Variants in ATP13A4 observed in about 807,000 individuals in gnomAD.
The protein encoded by ATP13A4 is probable cation-transporting ATPase 13A4.
In ATP13A4, 114 loss-of-function variants were observed where a neutral mutation model predicts 142.5. The observed-to-expected ratio is 0.80, with a 90% CI of 0.69 to 0.93. ATP13A4 has a LOEUF of 0.93. Among genes scored for constraint, ATP13A4 ranks in the 40% least tolerant of loss-of-function variants. The pLI, the probability that ATP13A4 is intolerant of heterozygous loss-of-function variation, is 0.00. For missense variants in ATP13A4, 1,392 were observed against 1,454.0 expected (o/e 0.96, Z 0.69); for synonymous variants, 488 against 514.8 (o/e 0.95, Z 0.70).
At chr3:193,561,622 G>C (rs1019396102) in intron 2 of ATP13A4, among the ~76,000 whole-genome samples, 2 of 152,174 alleles carry the variant, frequency 1.3e-5, no homozygotes, top group Non-Finnish European at 2.9e-5. Context: ...AAAAAGGAAA[G>C]TAATAAGATA....
chr3:193,466,433 G>T (rs1025084674), intron 10 of ATP13A4, among the ~76,000 whole-genome samples: 3 of 152,156 alleles, frequency 2.0e-5, no homozygotes, highest in African/African-American at 7.2e-5. Flanking sequence ...GAAAACCGCC[G>T]TACTGGGTGC....
chr3:193,408,920 C>T (rs1714635991), intron 28 of ATP13A4, among the ~76,000 whole-genome samples: 2 of 152,138 alleles, frequency 1.3e-5, no homozygotes, highest in African/African-American at 2.4e-5. Context: ...CTAAACTCAA[C>T]TTGTCATCTA....
At chr3:193,573,058 G>T (rs948971648) in intron 2 of ATP13A4, among the ~76,000 whole-genome samples, 2 of 146,572 alleles carry the variant, frequency 1.4e-5, no homozygotes, top group African/African-American at 5.0e-5. Flanking sequence ...GGGGGGAGGG[G>T]AGTAAGGGCT....
chr3:193,486,518 G>A (rs1399346894), intron 7 of ATP13A4, among the ~76,000 whole-genome samples: 3 of 152,172 alleles, frequency 2.0e-5, no homozygotes, highest in Non-Finnish European at 2.9e-5. Flanking sequence ...TTCAAGGTTG[G>A]CAACCAGATT....
chr3:193,413,060 G>A (rs900222251), intron 26 of ATP13A4, among the ~76,000 whole-genome samples: 1 of 152,114 alleles, frequency 6.6e-6, no homozygotes, highest in South Asian at 2.1e-4. Flanking sequence ...AGGAAGTCAG[G>A]GACTTTGAAC....
intron 1 of ATP13A4, among the ~76,000 whole-genome samples, chr3:193,535,130 G>T (rs1043749732): frequency 1.3e-5 from 2 of 152,024 alleles, no homozygotes; most frequent in Non-Finnish European, 2.9e-5. Context: ...GAACAACTAA[G>T]CAGAAAATTA....
rs1050847058 is a variant in ATP13A4 at position 193,415,774 on chromosome 3, A to G, written c.2843-1024T>C. 2.0e-5 allele frequency among the ~76,000 whole-genome samples: 3 copies of G among 152,246 alleles called. No individual in the cohort carries two copies. The East Asian group carries it at 5.8e-4, about 29-fold the overall frequency. Reference sequence around the variant, plus strand: ...AGGGCAAAAAAATTACAGTTGATACATAAAATAACCATCTAAAGCCTGGAA... The same window carrying G: ...AGGGCAAAAAAATTACAGTTGATACGTAAAATAACCATCTAAAGCCTGGAA... On this transcript the variant is annotated intron_variant, in intron 25 of 29. Coordinates refer to ENST00000342695, the MANE Select transcript of ATP13A4 (RefSeq NM_032279.4).
chr3:193,447,464 C>T (rs912963868), intron 18 of ATP13A4, among the ~76,000 whole-genome samples: 1 of 152,114 alleles, frequency 6.6e-6, no homozygotes, highest in African/African-American at 2.4e-5. Context: ...AATAATGTAT[C>T]TTCGTGACAT....
intron 25 of ATP13A4, among the ~76,000 whole-genome samples, chr3:193,426,593 C>T (rs1056169125): frequency 6.6e-6 from 1 of 151,912 alleles, no homozygotes; most frequent in African/African-American, 2.4e-5. Flanking sequence ...AGGACTCACA[C>T]TTCCCAAATC....
At chr3:193,582,655 A>G (rs1300926444) in intron 1 of ATP13A4, among the ~76,000 whole-genome samples, 7 of 72,672 alleles carry the variant, frequency 9.6e-5, no homozygotes, top group African/African-American at 3.8e-4. Flanking sequence ...TATATTACAT[A>G]CATTATATAT....
At chr3:193,517,151 A>G (rs1721461685) in intron 1 of ATP13A4, among the ~76,000 whole-genome samples, 1 of 152,056 alleles carries the variant, frequency 6.6e-6, no homozygotes, top group Non-Finnish European at 1.5e-5. Flanking sequence ...GGCCATTTCT[A>G]CTCCTATGCT....
At chr3:193,442,181 G>C (rs1261525050) in intron 19 of ATP13A4, among the ~76,000 whole-genome samples, 2 of 152,132 alleles carry the variant, frequency 1.3e-5, no homozygotes, top group Admixed American at 6.5e-5. Flanking sequence ...ACTTTTTTAA[G>C]GTTAAAAGAT....
At chr3:193,425,789 C>G (rs1715629656) in intron 25 of ATP13A4, among the ~76,000 whole-genome samples, 1 of 151,660 alleles carries the variant, frequency 6.6e-6, no homozygotes, top group African/African-American at 2.4e-5. Flanking sequence ...GGAATAAGTT[C>G]TATTGTTCTA....
chr3:193,511,996 T>C (rs1051590160), intron 2 of ATP13A4, among the ~76,000 whole-genome samples: 4 of 152,128 alleles, frequency 2.6e-5, no homozygotes, highest in African/African-American at 9.7e-5. Context: ...CCTTTTCCAT[T>C]TCCTTGCCCA....
chr3:193,442,359 G>T, intron 19 of ATP13A4, 34 bp downstream of exon 19: 1 of 1,596,808 alleles, frequency 6.3e-7, no homozygotes, highest in Non-Finnish European at 8.6e-7. Flanking sequence ...AAGACACATT[G>T]ATAATGTGGC....
At chr3:193,569,390 C>T (rs1236128910) in intron 2 of ATP13A4, among the ~76,000 whole-genome samples, 1 of 152,100 alleles carries the variant, frequency 6.6e-6, no homozygotes, top group South Asian at 2.1e-4. Context: ...CAACTAAATG[C>T]AACTTAGTAT....
rs1466637982 is a variant in ATP13A4, at chr3:193,401,959, C to T, written c.*693G>A. 1 of 152,458 alleles carries T rather than the reference C, an allele frequency of 6.6e-6. No homozygotes were observed. The highest frequency in any genetic ancestry group is 6.5e-5 in the Admixed American group (1 of 15,302). The allele number at this position is 152,458 out of a possible 1,614,324, so 9.4% of individuals were successfully genotyped here. A position where few individuals can be genotyped will look rare whatever the true frequency, so the allele number is the denominator to read the frequency against. On this transcript the variant is annotated 3_prime_UTR_variant, in exon 30 of 30. Transcript: ENST00000342695. Reference sequence around the variant, plus strand: ...ATTCCTTCCCCCATCACAGTCAACACACAGTCCTTGCATCGAGCTGATGGA... The same window carrying T: ...ATTCCTTCCCCCATCACAGTCAACATACAGTCCTTGCATCGAGCTGATGGA...
chr3:193,528,841 C>CA (rs1722154955), intron 1 of ATP13A4, among the ~76,000 whole-genome samples: 1 of 145,646 alleles, frequency 6.9e-6, no homozygotes, highest in South Asian at 2.3e-4. Flanking sequence ...ATACCATACA[C>CA]ATTATTTTAC....
At chr3:193,463,011 T>C (rs1050120203) in intron 12 of ATP13A4, among the ~76,000 whole-genome samples, 188 bp from the exon 13 acceptor site, 2 of 151,284 alleles carry the variant, frequency 1.3e-5, no homozygotes, top group Non-Finnish European at 2.9e-5. Flanking sequence ...AGTGGCCCCA[T>C]AGCGAAGACT....
Sources: allele counts gnomAD v4.1 joint callset (sites outside exome capture counted in the v4.1 genomes callset), GRCh38; gene constraint gnomAD v4.1.1; transcripts MANE v1.5; gene names NCBI Gene and HGNC (gene_info 2026-07-23, HGNC 2026-07-21).